CHST11: variants seen among roughly 807,000 people sequenced by gnomAD.
CHST11 encodes C4S-1.
A neutral mutation model predicts 30.4 loss-of-function variants in CHST11; 9 were observed. The ratio of observed to expected loss-of-function variants is 0.30; its 90% CI spans 0.18 to 0.52. CHST11 has a LOEUF of 0.52. Ranked by LOEUF, CHST11 falls within the 20% of genes least tolerant of loss-of-function variation. CHST11 has a pLI of 0.97. For missense variants in CHST11, 348 were observed against 460.6 expected (o/e 0.76, Z 2.24); for synonymous variants, 152 against 187.8 (o/e 0.81, Z 1.56).
rs59116085 is a variant in CHST11 at position 104,544,138 on chromosome 12, A to AAAAGAAAGAAAGAAAGAAAGAAAG, written c.119-57746_119-57723dup. On this transcript the variant is annotated intron_variant, in intron 1 of 2. Coordinates refer to ENST00000303694, the MANE Select transcript of CHST11 (RefSeq NM_018413.6). ...GACCCTGTCTGTTAAAAAAAAAAAA[A>AAAAGAAAGAAAGAAAGAAAGAAAG]AAAGAAAGAAAGAAAGAAAGAAAGA... 4.3e-3 allele frequency among the ~76,000 whole-genome samples: 307 copies of AAAAGAAAGAAAGAAAGAAAGAAAG among 71,684 alleles called. 2 individuals carry two copies. Among genetic ancestry groups the AAAAGAAAGAAAGAAAGAAAGAAAG allele is most frequent in the South Asian group, 8.6e-3 (11 of 1,274 alleles). The allele number at this position is 71,684 out of a possible 152,430, so 47.0% of individuals were successfully genotyped here.
intron 2 of CHST11, among the ~76,000 whole-genome samples, chr12:104,734,184 C>T (rs914355870): frequency 2.0e-5 from 3 of 152,266 alleles, no homozygotes; most frequent in Non-Finnish European, 4.4e-5. Context: ...CCAGCCCATG[C>T]TTCTCTGCAG....
intron 2 of CHST11, among the ~76,000 whole-genome samples, chr12:104,738,444 C>G (rs2040319612): frequency 6.6e-6 from 1 of 152,218 alleles, no homozygotes; most frequent in African/African-American, 2.4e-5. Flanking sequence ...GAACGGCACT[C>G]CTGTGCCATG....
intron 2 of CHST11, among the ~76,000 whole-genome samples, chr12:104,708,308 T>G (rs994367198): frequency 6.6e-6 from 1 of 152,244 alleles, no homozygotes; most frequent in Non-Finnish European, 1.5e-5. Context: ...ATGGGGCTGA[T>G]GACAGTCATG....
At chr12:104,668,066 C>T (rs1399806692) in intron 2 of CHST11, among the ~76,000 whole-genome samples, 3 of 145,752 alleles carry the variant, frequency 2.1e-5, no homozygotes, top group South Asian at 2.3e-4. Context: ...GTTCCAATCC[C>T]GGTACCACCC....
intron 2 of CHST11, among the ~76,000 whole-genome samples, chr12:104,618,895 G>A (rs11613726): frequency 0.19 from 28,174 of 152,158 alleles, 2,947 homozygotes; most frequent in Admixed American, 0.25. Context: ...AACTGGGGTC[G>A]ACTCATTGAT....
At chr12:104,672,692 T>C (rs1039630887) in intron 2 of CHST11, among the ~76,000 whole-genome samples, 21 of 152,222 alleles carry the variant, frequency 1.4e-4, no homozygotes, top group Admixed American at 7.9e-4. Flanking sequence ...GCAACAAGCG[T>C]ATGCTCTGCT....
chr12:104,620,023 C>A (rs546918960), intron 2 of CHST11, among the ~76,000 whole-genome samples: 1 of 152,116 alleles, frequency 6.6e-6, no homozygotes, highest in Non-Finnish European at 1.5e-5. Context: ...TCCCGGTGAG[C>A]CTTCATCCTA....
At chr12:104,582,426 A>G (rs946628159) in intron 1 of CHST11, among the ~76,000 whole-genome samples, 1 of 152,136 alleles carries the variant, frequency 6.6e-6, no homozygotes, top group African/African-American at 2.4e-5. Context: ...TGATGTCAGC[A>G]TTTTGACCAG....
intron 1 of CHST11, chr12:104,514,381 C>T: frequency 1.1e-6 from 1 of 944,682 alleles, no homozygotes; most frequent in East Asian, 2.4e-5. Flanking sequence ...TTTGCCCTGT[C>T]TGAGGTCATG....
chr12:104,717,254 C>A (rs2040138430), intron 2 of CHST11, among the ~76,000 whole-genome samples: 1 of 152,084 alleles, frequency 6.6e-6, no homozygotes, highest in South Asian at 2.1e-4. Context: ...GGAGGTTATT[C>A]TTCCAACCAC....
intron 2 of CHST11, among the ~76,000 whole-genome samples, chr12:104,725,618 C>T (rs1212447689): frequency 1.3e-5 from 2 of 151,668 alleles, no homozygotes; most frequent in East Asian, 1.9e-4. Context: ...GTGGGTGTCA[C>T]TTCTCCACTT....
chr12:104,669,487 T>C (rs2039671026), intron 2 of CHST11, among the ~76,000 whole-genome samples: 1 of 152,216 alleles, frequency 6.6e-6, no homozygotes, highest in Non-Finnish European at 1.5e-5. Context: ...GGATTCTGAA[T>C]GCAGGCCTCC....
chr12:104,462,167 C>CAAAAAAAAAA (rs796356338), intron 1 of CHST11, among the ~76,000 whole-genome samples: 12 of 65,580 alleles, frequency 1.8e-4, no homozygotes, highest in African/African-American at 5.2e-4. Context: ...AACACCATCT[C>CAAAAAAAAAA]AAAAAAAAAA....
At chr12:104,478,970 A>G (rs1441222709) in intron 1 of CHST11, among the ~76,000 whole-genome samples, 1 of 152,186 alleles carries the variant, frequency 6.6e-6, no homozygotes, top group Non-Finnish European at 1.5e-5. Context: ...GGAAATGACA[A>G]CATGGAAGGA....
intron 1 of CHST11, among the ~76,000 whole-genome samples, chr12:104,540,837 G>A (rs1278461983): frequency 4.6e-5 from 7 of 152,158 alleles, no homozygotes; most frequent in African/African-American, 1.4e-4. Flanking sequence ...TGTTTATTTC[G>A]TGGTCTTACC....
In CHST11 at chr12:104,696,245, A is replaced by G. The variant is rs572755817; in HGVS notation, c.205-60704A>G. 4.6e-5 allele frequency among the ~76,000 whole-genome samples: 7 copies of G among 151,984 alleles called. No homozygotes were observed. The South Asian group carries it at 1.5e-3, about 32-fold the overall frequency. ...TTTTGAAGATAAAGTGCAGCAGATG[A>G]TATAATAAACACTTTTTACTCACCA... On this transcript the variant is annotated intron_variant, in intron 2 of 2. Transcript: ENST00000303694.
intron 1 of CHST11, among the ~76,000 whole-genome samples, chr12:104,555,163 C>G (rs967340282): frequency 6.6e-6 from 1 of 152,180 alleles, no homozygotes; most frequent in Non-Finnish European, 1.5e-5. Context: ...CTAGCCACAT[C>G]AGGGAGGCAG....
rs1017061176 is a variant in CHST11 at position 104,652,462 on chromosome 12, A to G, written c.204+50471A>G. On this transcript the variant is annotated intron_variant, in intron 2 of 2. Transcript: ENST00000303694. ...GTGAGGAGACAGTCACGGGAGCAGC[A>G]TGTCTTCAGGCGGAAATTGTTCCAA... Among the ~76,000 whole-genome samples, 22 of 152,304 alleles carry G rather than the reference A, an allele frequency of 1.4e-4. 1 individual carries two copies. Among genetic ancestry groups the G allele is most frequent in the Admixed American group, 8.5e-4 (13 of 15,308 alleles).
At chr12:104,492,861 G>A (rs1017601836) in intron 1 of CHST11, among the ~76,000 whole-genome samples, 3 of 152,058 alleles carry the variant, frequency 2.0e-5, no homozygotes, top group African/African-American at 4.8e-5. Context: ...GTGAAACCCC[G>A]TCTCTACTAA....
Sources: allele counts gnomAD v4.1 joint callset (sites outside exome capture counted in the v4.1 genomes callset), GRCh38; gene constraint gnomAD v4.1.1; transcripts MANE v1.5; gene names NCBI Gene and HGNC (gene_info 2026-07-23, HGNC 2026-07-21).